Variants in ZNF384 observed in about 807,000 individuals in gnomAD.
ZNF384 encodes zinc finger protein 384.
Under a neutral mutation model 65.0 loss-of-function variants are expected in ZNF384, and 20 were observed. The observed-to-expected ratio is 0.31, with a 90% confidence interval of 0.22 to 0.45. The LOEUF (loss-of-function observed/expected upper bound fraction) is 0.45, where lower values mean the gene tolerates loss of function less well. Ranked by LOEUF, ZNF384 falls within the 20% of genes least tolerant of loss-of-function variation. ZNF384 has a pLI of 1.00. For synonymous variants in ZNF384, 310 were observed against 303.9 expected (o/e 1.02, Z -0.21); for missense variants, 549 against 769.4 (o/e 0.71, Z 3.39).
chr12:6,680,170 G>T (rs1955378486), intron 2 of ZNF384, among the ~76,000 whole-genome samples: 1 of 152,016 alleles, frequency 6.6e-6, no homozygotes, highest in Non-Finnish European at 1.5e-5. Context: ...TTTCCATGTT[G>T]CCCAGGCTGG....
intron 7 of ZNF384, among the ~76,000 whole-genome samples, chr12:6,674,864 G>C (rs1207890393): frequency 2.0e-5 from 3 of 152,216 alleles, no homozygotes; most frequent in Non-Finnish European, 4.4e-5. Context: ...TTAAGCCTTA[G>C]TGCTGATGGA....
At chr12:6,677,387 T>G (rs1037125970) in intron 6 of ZNF384, 128 bp from the exon 7 acceptor site, 7 of 1,038,690 alleles carry the variant, frequency 6.7e-6, no homozygotes, top group Middle Eastern at 8.1e-4. Flanking sequence ...CTCTATACAG[T>G]GCTACCAAAC....
Position 6,672,202 on chromosome 12 carries a change from G to T in ZNF384, c.1187+148C>A. ...CCACTTGAATCTCCAGTGTTGTTTGGTCTTCCTTCTCCCAGATGCCAGCCA... is the reference window on the plus strand; with the variant it reads ...CCACTTGAATCTCCAGTGTTGTTTGTTCTTCCTTCTCCCAGATGCCAGCCA... On this transcript the variant is annotated intron_variant, in intron 9 of 11. Transcript: ENST00000683879. The surrounding 1 kb of genome is among the most constrained non-coding windows in gnomAD (Gnocchi z 4.4). 1 of 806,388 alleles carries T rather than the reference G, an allele frequency of 1.2e-6. No homozygotes were observed. Among genetic ancestry groups the T allele is most frequent in the Admixed American group, 2.9e-5 (1 of 34,342 alleles). 50.0% of individuals were successfully genotyped at this position (806,388 alleles called of 1,614,324 possible).
intron 2 of ZNF384, among the ~76,000 whole-genome samples, chr12:6,682,127 T>TAA (rs542764175): frequency 1.3e-5 from 1 of 74,458 alleles, no homozygotes; most frequent in Non-Finnish European, 2.9e-5. Context: ...ACCGTGTCTC[T>TAA]AAAAAAAAAA....
intron 2 of ZNF384, among the ~76,000 whole-genome samples, chr12:6,684,516 C>A (rs1957224505): frequency 6.6e-6 from 1 of 152,158 alleles, no homozygotes; most frequent in South Asian, 2.1e-4. Flanking sequence ...AGAGGCCGGA[C>A]TTTACAAAGG....
At position 6,672,288 on chromosome 12, in the gene ZNF384, G is replaced by T; in HGVS notation, c.1187+62C>A. 1 of 1,526,828 alleles carries T rather than the reference G, an allele frequency of 6.5e-7. No individual in the cohort carries two copies. The allele number at this position is 1,526,828 out of a possible 1,614,324, so 94.6% of individuals were successfully genotyped here. On this transcript the variant is annotated intron_variant, in intron 9 of 11. Coordinates refer to ENST00000683879, the MANE Select transcript of ZNF384 (RefSeq NM_001385745.1). The surrounding 1 kb of genome is among the most constrained non-coding windows in gnomAD (Gnocchi z 4.4). ...CGCATGCGGGTTGTTGTGTGTGTCC[G>T]GGGCGGGGGTGGGGAGGGCATGCCA...
intron 2 of ZNF384, among the ~76,000 whole-genome samples, chr12:6,687,026 C>T (rs1470028748): frequency 6.6e-6 from 1 of 152,192 alleles, no homozygotes; most frequent in Non-Finnish European, 1.5e-5. Flanking sequence ...TAGCTCAAGA[C>T]TTGAAATGAA....
rs1233234607 is a variant in ZNF384 at position 6,689,109 on chromosome 12, G to C, written c.-77C>G. ...GGCGCGAGACTCACCGGGCGGCGAC[G>C]GCTGCGGCGGCGCCAGAGCCTGAGC... On this transcript the variant is annotated 5_prime_UTR_variant, in exon 1 of 12. Transcript: ENST00000683879. The C allele has an allele frequency of 2.0e-5, 3 of 152,502 alleles. No homozygotes were observed. The highest frequency in any genetic ancestry group is 4.4e-5 in the Non-Finnish European group (3 of 68,124). 9.4% of individuals were successfully genotyped at this position (152,502 alleles called of 1,614,324 possible). A position where few individuals can be genotyped will look rare whatever the true frequency, so the allele number is the denominator to read the frequency against.
rs1444209568 is a variant in ZNF384 at position 6,666,971 on chromosome 12, G to C, written c.*743C>G. The C allele has an allele frequency of 4.6e-6, 1 of 216,238 alleles. No homozygotes were observed. The highest frequency in any genetic ancestry group is 9.3e-6 in the Non-Finnish European group (1 of 107,470). 13.4% of individuals were successfully genotyped at this position (216,238 alleles called of 1,614,324 possible). ...ACACAAAGCCTCCCACAGCTCCTTG[G>C]GGGTGGGTTGGGGAGACTGAGAGTA... On this transcript the variant is annotated 3_prime_UTR_variant, in exon 12 of 12. Transcript: ENST00000683879.
At chr12:6,682,227 GGAAAACT>G (rs1956248307) in intron 2 of ZNF384, among the ~76,000 whole-genome samples, 1 of 151,930 alleles carries the variant, frequency 6.6e-6, no homozygotes, top group African/African-American at 2.4e-5. Flanking sequence ...GGCTGAGGTG[GGAAAACT>G]GCTTGAGCCC....
chr12:6,683,788 G>A (rs1477006416), intron 2 of ZNF384, among the ~76,000 whole-genome samples: 1 of 152,154 alleles, frequency 6.6e-6, no homozygotes, highest in African/African-American at 2.4e-5. Context: ...GGAGGCCAAG[G>A]CAGGTGGATC....
chr12:6,685,610 T>C (rs1957617459), intron 2 of ZNF384, among the ~76,000 whole-genome samples: 2 of 151,114 alleles, frequency 1.3e-5, no homozygotes, highest in South Asian at 4.2e-4. Context: ...CCATCTCTAC[T>C]AAAATACAAA....
In ZNF384 at chr12:6,678,704, G is replaced by C; in HGVS notation, c.311C>G (p.Ser104Cys). 1.2e-6 allele frequency: 2 copies of C among 1,613,970 alleles called. No homozygotes were observed. Among genetic ancestry groups the C allele is most frequent in the Non-Finnish European group, 1.7e-6 (2 of 1,179,976 alleles). Residue 104 changes from serine to cysteine, a missense_variant, in exon 5 of 12, where the codon TCC becomes TGC. Physicochemically the swap from Ser to Cys is moderately radical, Grantham distance 112 (BLOSUM62 -1). Around this residue, in one of 5 missense-constraint regions of ZNF384, gnomAD observed 277 missense variants for 337.2 expected, o/e 0.82. Transcript: ENST00000683879. The surrounding 1 kb of genome is among the most constrained non-coding windows in gnomAD (Gnocchi z 4.9). ...PSTGLMTAGV[S>C]CSQRWRREGS... ...TTCTCTTCTCCACCTCTGAGAACAG[G>C]AGACTCCTTGATTCAGAGAAGGAAA...
chr12:6,673,275 G>A lies in ZNF384; in HGVS notation c.945C>T (p.Tyr315=), dbSNP rs1952228658. ...HIRIHSGAKP[Y]SCNFCEKSFR... is the part of the protein sequence containing the mutation. ...AGGATTTCTCACAGAAGTTACAACT[G>A]TAGGGCTTAGCCCCTGAGTGTATAC... is the stretch of plus-strand genomic sequence containing the variant. Residue 315 remains tyrosine, a synonymous_variant, in exon 8 of 12, where the codon TAC becomes TAT. Coordinates refer to ENST00000683879, the MANE Select transcript of ZNF384 (RefSeq NM_001385745.1). The surrounding 1 kb of genome is among the most constrained non-coding windows in gnomAD (Gnocchi z 4.7). 1.2e-6 allele frequency: 2 copies of A among 1,614,176 alleles called. No homozygotes were observed. The highest frequency in any genetic ancestry group is 1.7e-6 in the Non-Finnish European group (2 of 1,180,038).
intron 2 of ZNF384, among the ~76,000 whole-genome samples, chr12:6,681,413 C>T (rs1471512790): frequency 6.6e-6 from 1 of 151,938 alleles, no homozygotes; most frequent in African/African-American, 2.4e-5. Flanking sequence ...AAGATAGAGC[C>T]CCACAAAAGG....
chr12:6,678,660 T>C lies in ZNF384; in HGVS notation c.352+3A>G. The C allele has an allele frequency of 1.2e-6, 2 of 1,613,480 alleles. No homozygotes were observed. The highest frequency in any genetic ancestry group is 8.5e-7 in the Non-Finnish European group (1 of 1,179,736). ...CCACCCCCCTGGTAACAGTGAGATT[T>C]ACCCCTTGATTGACTCCCTTCTCTT... is the stretch of plus-strand genomic sequence containing the variant. On this transcript the variant is annotated splice_donor_region_variant and intron_variant, in intron 5 of 11. Coordinates refer to ENST00000683879, the MANE Select transcript of ZNF384 (RefSeq NM_001385745.1). This position sits in a 1 kb window ranked among gnomAD's most constrained non-coding sequence, Gnocchi z 4.9.
Position 6,673,528 on chromosome 12 carries a change from T to C in ZNF384, c.780-88A>G, listed in dbSNP as rs1248386464. 2 of 1,156,024 alleles carry C rather than the reference T, an allele frequency of 1.7e-6. No individual in the cohort carries two copies. The highest frequency in any genetic ancestry group is 3.1e-5 in the African/African-American group (2 of 65,118). 71.6% of individuals were successfully genotyped at this position (1,156,024 alleles called of 1,614,324 possible). A position where few individuals can be genotyped will look rare whatever the true frequency, so the allele number is the denominator to read the frequency against. ...CCTCTACTTCCAAGAGAAGCCCACC[T>C]ATCTGAGGTCTCTCCTACTCCAACT... On this transcript the variant is annotated intron_variant, in intron 7 of 11. Coordinates refer to ENST00000683879, the MANE Select transcript of ZNF384 (RefSeq NM_001385745.1). This position sits in a 1 kb window ranked among gnomAD's most constrained non-coding sequence, Gnocchi z 4.7.
rs2136974111 is a variant in ZNF384 at position 6,679,132 on chromosome 12, T to C, written c.118A>G (p.Lys40Glu). The change falls in exon 4 of 12, where the codon AAG becomes GAG. Residue 40 changes from lysine (K) to glutamate (E), a missense_variant. By Grantham distance (56) the Lys-to-Glu change is moderately conservative. This residue lies in a region of ZNF384 where 277 missense variants were observed against 337.2 expected (regional missense o/e 0.82). Transcript: ENST00000683879. The part of the protein sequence containing the change: ...NKMKDQLLPE[K>E]GCGLAPPHYP... The stretch of plus-strand genomic sequence containing the variant: ...TGAGGTGGGGCCAGACCACAGCCCT[T>C]CTCTGGCAACAGCTGATCCTTCATC... The C allele has an allele frequency of 6.2e-7, 1 of 1,607,866 alleles. No homozygotes were observed. Among genetic ancestry groups the C allele is most frequent in the East Asian group, 2.2e-5 (1 of 44,810 alleles).
chr12:6,686,285 AT>A (rs1333869249), intron 2 of ZNF384, among the ~76,000 whole-genome samples: 1 of 152,212 alleles, frequency 6.6e-6, no homozygotes, highest in Admixed American at 6.5e-5. Context: ...ACAGAGTCTC[AT>A]TTTGTTGCCC....
Sources: allele counts gnomAD v4.1 joint callset (sites outside exome capture counted in the v4.1 genomes callset), GRCh38; gene constraint gnomAD v4.1.1; regional missense constraint gnomAD v4.1.1; non-coding constraint Gnocchi (gnomAD v3.1); transcripts MANE v1.5; gene names NCBI Gene and HGNC (gene_info 2026-07-23, HGNC 2026-07-21).